The following NEGR1 variants were observed in gnomAD, a reference collection of about 807,000 sequenced individuals.
NEGR1 encodes neuronal growth regulator 1.
In NEGR1, 10 loss-of-function variants were observed where a neutral mutation model predicts 40.9. That is an observed-to-expected ratio of 0.24 (90% confidence interval 0.15 to 0.42). NEGR1 has a LOEUF of 0.42. Among genes scored for constraint, NEGR1 ranks in the 10% least tolerant of loss-of-function variants. NEGR1 has a pLI of 1.00. For missense variants in NEGR1, 352 were observed against 438.9 expected (o/e 0.80, Z 1.77); for synonymous variants, 185 against 166.8 (o/e 1.11, Z -0.84).
chr1:72,193,714 T>C (rs1223957014), intron 1 of NEGR1, among the ~76,000 whole-genome samples: 1 of 151,558 alleles, frequency 6.6e-6, no homozygotes, highest in Non-Finnish European at 1.5e-5. Flanking sequence ...TGTATACTTT[T>C]ATACAGATAC....
At chr1:71,633,320 G>T (rs977419373) in intron 4 of NEGR1, among the ~76,000 whole-genome samples, 2 of 152,116 alleles carry the variant, frequency 1.3e-5, no homozygotes, top group East Asian at 3.9e-4. Flanking sequence ...CAGTCCCTTG[G>T]CAGTCACAGA....
intron 3 of NEGR1, among the ~76,000 whole-genome samples, chr1:71,739,538 C>T (rs1471819349): frequency 6.6e-6 from 1 of 151,840 alleles, no homozygotes; most frequent in Non-Finnish European, 1.5e-5. Context: ...AAAAAAAACC[C>T]TCTTAAATCA....
chr1:72,021,022 C>A (rs1484530932), intron 1 of NEGR1, among the ~76,000 whole-genome samples: 1 of 152,048 alleles, frequency 6.6e-6, no homozygotes, highest in Admixed American at 6.6e-5. Flanking sequence ...TTTCCAAGAA[C>A]CACTGAAACA....
At chr1:71,492,576 C>T (rs947749594) in intron 6 of NEGR1, among the ~76,000 whole-genome samples, 1 of 152,008 alleles carries the variant, frequency 6.6e-6, no homozygotes, top group Non-Finnish European at 1.5e-5. Context: ...CAGTAAGCAG[C>T]TTCTTGTTAT....
At chr1:71,975,738 C>T (rs933972386) in intron 1 of NEGR1, among the ~76,000 whole-genome samples, 2 of 152,120 alleles carry the variant, frequency 1.3e-5, no homozygotes, top group African/African-American at 2.4e-5. Flanking sequence ...ATTCGCCATG[C>T]GACTGAAGGC....
Position 71,441,362 on chromosome 1 carries a change from T to A in NEGR1, c.941-33792A>T, listed in dbSNP as rs577902429. On this transcript the variant is annotated intron_variant, in intron 6 of 6. Coordinates refer to ENST00000357731, the MANE Select transcript of NEGR1 (RefSeq NM_173808.3). ...ATGTACTTTTTAAGGGCCCTCCCAC[T>A]GGGGGCAGTATGTATTTCCCTGCCT... Among the ~76,000 whole-genome samples, 8 of 152,166 alleles carry A rather than the reference T, an allele frequency of 5.3e-5. No homozygotes were observed. The South Asian group carries it at 1.7e-3, about 32-fold the overall frequency.
intron 6 of NEGR1, among the ~76,000 whole-genome samples, chr1:71,460,590 A>C (rs1646708065): frequency 1.3e-5 from 2 of 152,200 alleles, no homozygotes; most frequent in South Asian, 4.1e-4. Flanking sequence ...ATAATATGAT[A>C]CTTAGTGTAT....
chr1:71,488,427 A>T (rs1196584202), intron 6 of NEGR1, among the ~76,000 whole-genome samples: 3 of 151,740 alleles, frequency 2.0e-5, no homozygotes, highest in Admixed American at 6.6e-5. Flanking sequence ...TGCTTATGAG[A>T]CCAGAGCAGT....
intron 6 of NEGR1, among the ~76,000 whole-genome samples, chr1:71,413,346 T>G (rs1470379793): frequency 1.3e-5 from 2 of 152,224 alleles, no homozygotes; most frequent in Non-Finnish European, 2.9e-5. Flanking sequence ...ATGGTTCCTG[T>G]TCCCACAGAG....
chr1:71,888,635 G>A (rs1413966233), intron 2 of NEGR1, among the ~76,000 whole-genome samples: 1 of 133,312 alleles, frequency 7.5e-6, no homozygotes, highest in Non-Finnish European at 1.6e-5. Flanking sequence ...CAACGAGGCT[G>A]GGGGAGGGGC....
chr1:71,846,932 G>A (rs1005347351), intron 2 of NEGR1, among the ~76,000 whole-genome samples: 1 of 152,150 alleles, frequency 6.6e-6, no homozygotes, highest in African/African-American at 2.4e-5. Flanking sequence ...TTCAACTCAT[G>A]AATTTGCTAG....
chr1:71,635,828 G>A (rs1651129206), intron 4 of NEGR1, among the ~76,000 whole-genome samples: 1 of 152,002 alleles, frequency 6.6e-6, no homozygotes, highest in Admixed American at 6.6e-5. Context: ...TCATGGGTGG[G>A]ATGAGATTTT....
intron 3 of NEGR1, among the ~76,000 whole-genome samples, chr1:71,719,505 G>T (rs1415100787): frequency 6.6e-6 from 1 of 152,050 alleles, no homozygotes; most frequent in Admixed American, 6.6e-5. Context: ...TGGATGCAAA[G>T]CAATTTTTAT....
chr1:71,848,305 G>A (rs953250230), intron 2 of NEGR1, among the ~76,000 whole-genome samples: 2 of 152,182 alleles, frequency 1.3e-5, no homozygotes, highest in Non-Finnish European at 2.9e-5. Flanking sequence ...CCAAACAACC[G>A]ATATTAAATG....
At chr1:72,172,715 C>T (rs1448090753) in intron 1 of NEGR1, among the ~76,000 whole-genome samples, 1 of 152,138 alleles carries the variant, frequency 6.6e-6, no homozygotes, top group African/African-American at 2.4e-5. Context: ...TCTCACTGGG[C>T]TAAAATCAAG....
intron 3 of NEGR1, among the ~76,000 whole-genome samples, chr1:71,767,539 A>T (rs1213287213): frequency 6.6e-6 from 1 of 152,168 alleles, no homozygotes; most frequent in Non-Finnish European, 1.5e-5. Flanking sequence ...CTGGAACTGG[A>T]ACTTTTATAT....
intron 2 of NEGR1, among the ~76,000 whole-genome samples, chr1:71,909,212 A>C (rs1308977571): frequency 6.6e-6 from 1 of 152,194 alleles, no homozygotes; most frequent in Non-Finnish European, 1.5e-5. Context: ...AAGAGAAGGC[A>C]TTGCTTCCTG....
At chr1:71,875,779 C>T (rs1296030923) in intron 2 of NEGR1, among the ~76,000 whole-genome samples, 2 of 152,120 alleles carry the variant, frequency 1.3e-5, no homozygotes, top group Admixed American at 6.6e-5. Context: ...AAAGAATGTA[C>T]TCAAATATCC....
At chr1:72,142,553 A>AGATG (rs1333048698) in intron 1 of NEGR1, among the ~76,000 whole-genome samples, 1 of 151,712 alleles carries the variant, frequency 6.6e-6, no homozygotes, top group Non-Finnish European at 1.5e-5. Context: ...ATAGATAGAT[A>AGATG]GATAGATAGA....
Sources: allele counts gnomAD v4.1 joint callset (sites outside exome capture counted in the v4.1 genomes callset), GRCh38; gene constraint gnomAD v4.1.1; transcripts MANE v1.5; gene names NCBI Gene and HGNC (gene_info 2026-07-23, HGNC 2026-07-21).